Variants in ITM2B observed in about 807,000 individuals in gnomAD.
ITM2B encodes integral membrane protein 2B, also known as ABri/ADan amyloid peptide.
ITM2B carries 11 observed loss-of-function variants against 27.8 expected under a neutral mutation model. The ratio of observed to expected loss-of-function variants is 0.40; its 90% CI spans 0.25 to 0.66. The LOEUF is 0.66. Ranked by LOEUF, ITM2B falls within the 30% of genes least tolerant of loss-of-function variation. ITM2B has a pLI of 0.43. For synonymous variants in ITM2B, 114 were observed against 114.3 expected (o/e 1.00, Z 0.02); for missense variants, 296 against 328.9 (o/e 0.90, Z 0.77).
At chr13:48,255,246 T>C (rs866637305) in intron 2 of ITM2B, among the ~76,000 whole-genome samples, 28 of 120,040 alleles carry the variant, frequency 2.3e-4, no homozygotes, top group Admixed American at 1.1e-3. Context: ...TGTGTGTGTG[T>C]GTGTGTGTGC....
chr13:48,235,877 T>C (rs117938735), intron 1 of ITM2B, among the ~76,000 whole-genome samples: 1 of 152,336 alleles, frequency 6.6e-6, no homozygotes, highest in Middle Eastern at 3.4e-3. Flanking sequence ...AAATGTGCTC[T>C]TAGGGACCAC....
intron 1 of ITM2B, among the ~76,000 whole-genome samples, chr13:48,249,097 C>G (rs897083297): frequency 6.6e-6 from 1 of 152,160 alleles, no homozygotes; most frequent in Non-Finnish European, 1.5e-5. Flanking sequence ...ATATCCACCC[C>G]AACAATCAAG....
rs1160597311 is a variant in ITM2B at position 48,263,488 on chromosome 13, G to A, written c.*2264G>A. ...AGAGGGTGAGGGATGTGGATGAGAA[G>A]ATGACAGAGAATCAGACATGCAGAG... On this transcript the variant is annotated 3_prime_UTR_variant, in exon 6 of 6. Transcript: ENST00000647800. 6.6e-6 allele frequency: 1 copy of A among 152,280 alleles called. No homozygotes were observed. The highest frequency in any genetic ancestry group is 1.9e-4 in the East Asian group (1 of 5,200). 9.4% of individuals were successfully genotyped at this position (152,280 alleles called of 1,614,324 possible).
intron 1 of ITM2B, among the ~76,000 whole-genome samples, chr13:48,235,295 G>A (rs575551152): frequency 3.3e-5 from 5 of 152,286 alleles, no homozygotes; most frequent in Non-Finnish European, 7.3e-5. Context: ...TGTGGTCATT[G>A]CAGCTATAAG....
rs35401842 is a variant in ITM2B, at chr13:48,259,696, CT to C, written c.715+765del. On this transcript the variant is annotated intron_variant, in intron 5 of 5. Coordinates refer to ENST00000647800, the MANE Select transcript of ITM2B (RefSeq NM_021999.5). ...GAGTCATCTGAAACCAGCTTGATTTCTTTTTTTTTTTTTTTTCCAACTTTTA... is the reference window on the plus strand; with the variant it reads ...GAGTCATCTGAAACCAGCTTGATTTCTTTTTTTTTTTTTTTCCAACTTTTA... Among the ~76,000 whole-genome samples the C allele has an allele frequency of 4.4e-3, 573 of 129,826 alleles. 4 individuals are homozygous for C. Among genetic ancestry groups the C allele is most frequent in the African/African-American group, 0.01 (353 of 34,570 alleles). 85.2% of individuals were successfully genotyped at this position (129,826 alleles called of 152,430 possible). A position where few individuals can be genotyped will look rare whatever the true frequency, so the allele number is the denominator to read the frequency against.
At chr13:48,256,480 GAGTTT>G (rs1273144045) in intron 3 of ITM2B, 97 bp downstream of exon 3, 13 of 1,002,916 alleles carry the variant, frequency 1.3e-5, no homozygotes, top group Non-Finnish European at 2.0e-5. Flanking sequence ...ATTATATTTA[GAGTTT>G]AGTTTAATAA....
chr13:48,255,321 T>C (rs868649209), intron 2 of ITM2B, among the ~76,000 whole-genome samples: 2 of 152,090 alleles, frequency 1.3e-5, no homozygotes, highest in Non-Finnish European at 1.5e-5. Flanking sequence ...AGATGGGGTC[T>C]CACTCTGTCA....
chr13:48,233,541 G>A lies in ITM2B; in HGVS notation c.117+64G>A, dbSNP rs1951649187. 4.4e-6 allele frequency: 5 copies of A among 1,147,170 alleles called. No homozygotes were observed. The African/African-American group carries it at 8.2e-5, about 19-fold the overall frequency. The allele number at this position is 1,147,170 out of a possible 1,614,324, so 71.1% of individuals were successfully genotyped here. On this transcript the variant is annotated intron_variant, in intron 1 of 5. Coordinates refer to ENST00000647800, the MANE Select transcript of ITM2B (RefSeq NM_021999.5). ...CCGGCCGGGGAGGGCTGCGCGGACTGCAGCGGCAGTGCGCCCCGAGGTGGC... is the reference window on the plus strand; with the variant it reads ...CCGGCCGGGGAGGGCTGCGCGGACTACAGCGGCAGTGCGCCCCGAGGTGGC...
In ITM2B at chr13:48,267,080, G is replaced by A. The variant is rs1374943132; in HGVS notation, c.*5856G>A. On this transcript the variant is annotated 3_prime_UTR_variant, in exon 6 of 6. Coordinates refer to ENST00000647800, the MANE Select transcript of ITM2B (RefSeq NM_021999.5). Reference sequence around the variant, plus strand: ...GATGAGGCCAGGCAGGATGCTAAATGTCTTAAAAGTCCGGGAGTCCTGCAC... The same window carrying A: ...GATGAGGCCAGGCAGGATGCTAAATATCTTAAAAGTCCGGGAGTCCTGCAC... 6.6e-6 allele frequency: 1 copy of A among 152,144 alleles called. No homozygotes were observed. Among genetic ancestry groups the A allele is most frequent in the African/African-American group, 2.4e-5 (1 of 41,424 alleles). The allele number at this position is 152,144 out of a possible 1,614,324, so 9.4% of individuals were successfully genotyped here.
chr13:48,258,371 A>C (rs1267578146), intron 4 of ITM2B, 135 bp downstream of exon 4: 2 of 664,736 alleles, frequency 3.0e-6, no homozygotes, highest in African/African-American at 3.7e-5. Flanking sequence ...ACTAATACTC[A>C]TGGTTTTTGT....
Position 48,269,288 on chromosome 13 carries a change from T to C in ITM2B, c.*8064T>C, listed in dbSNP as rs1423201015. 6.6e-6 allele frequency: 1 copy of C among 152,232 alleles called. No individual in the cohort carries two copies. The highest frequency in any genetic ancestry group is 2.1e-4 in the South Asian group (1 of 4,832). The allele number at this position is 152,232 out of a possible 1,614,324, so 9.4% of individuals were successfully genotyped here. Reference sequence around the variant, plus strand: ...AGCCGCTTCTCACTGTCTCTACTGCTAACATAGTAGTCAAAGCTGCTATCA... The same window carrying C: ...AGCCGCTTCTCACTGTCTCTACTGCCAACATAGTAGTCAAAGCTGCTATCA... On this transcript the variant is annotated 3_prime_UTR_variant, in exon 6 of 6. Coordinates refer to ENST00000647800, the MANE Select transcript of ITM2B (RefSeq NM_021999.5).
At chr13:48,253,129 G>A (rs755243866) in intron 1 of ITM2B, among the ~76,000 whole-genome samples, 6 of 151,984 alleles carry the variant, frequency 3.9e-5, no homozygotes, top group Non-Finnish European at 7.4e-5. Context: ...TTTTTCTACT[G>A]CTTCTATCTT....
rs1295835321 is a variant in ITM2B at position 48,258,101 on chromosome 13, C to T, written c.454-25C>T. 5.4e-6 allele frequency: 6 copies of T among 1,117,118 alleles called. No individual in the cohort carries two copies. In the African/African-American group the frequency reaches 7.7e-5, roughly 14 times the overall value. 69.2% of individuals were successfully genotyped at this position (1,117,118 alleles called of 1,614,324 possible). The stretch of plus-strand genomic sequence containing the variant: ...CCTGTTTTTGCAAGTATTACTGTAA[C>T]TACACTGTATCTTTTTCTTCCCAGA... On this transcript the variant is annotated intron_variant, in intron 3 of 5. Transcript: ENST00000647800.
At chr13:48,241,817 A>G (rs548909089) in intron 1 of ITM2B, among the ~76,000 whole-genome samples, 8 of 152,324 alleles carry the variant, frequency 5.3e-5, no homozygotes, top group Non-Finnish European at 1.0e-4. Context: ...TACAATTTTT[A>G]TTGTATATAA....
rs751333259 is a variant in ITM2B at position 48,233,453 on chromosome 13, C to T, written c.93C>T (p.Pro31=). ...KSGEEALIIP[P]DAVAVDCKDP... is the part of the protein sequence containing the mutation. ...GCGAGGAGGCGCTCATCATCCCCCC[C>T]GACGCCGTCGCGGTGGACTGCAAGG... Residue 31 remains proline (P), a synonymous_variant, in exon 1 of 6, where the codon CCC becomes CCT. Coordinates refer to ENST00000647800, the MANE Select transcript of ITM2B (RefSeq NM_021999.5). 1.3e-6 allele frequency: 2 copies of T among 1,535,844 alleles called. No individual in the cohort carries two copies. Among genetic ancestry groups the T allele is most frequent in the Admixed American group, 2.0e-5 (1 of 49,536 alleles).
Position 48,263,986 on chromosome 13 carries a change from C to A in ITM2B, c.*2762C>A, listed in dbSNP as rs577427891. 1 of 152,046 alleles carries A rather than the reference C, an allele frequency of 6.6e-6. No homozygotes were observed. The highest frequency in any genetic ancestry group is 2.1e-4 in the South Asian group (1 of 4,810). 9.4% of individuals were successfully genotyped at this position (152,046 alleles called of 1,614,324 possible). A position where few individuals can be genotyped will look rare whatever the true frequency, so the allele number is the denominator to read the frequency against. ...GTATTTATTTATTTATCTAAGATAG[C>A]TCTAGTTTGCTGCTTTGCAACACAT... is the stretch of plus-strand genomic sequence containing the variant. On this transcript the variant is annotated 3_prime_UTR_variant, in exon 6 of 6. Coordinates refer to ENST00000647800, the MANE Select transcript of ITM2B (RefSeq NM_021999.5).
At chr13:48,233,870 C>T (rs149095141) in intron 1 of ITM2B, among the ~76,000 whole-genome samples, 190 of 152,304 alleles carry the variant, frequency 1.2e-3, no homozygotes, top group South Asian at 2.3e-3. Flanking sequence ...AATAATGTAC[C>T]TAAAATGGCT....
At position 48,233,213 on chromosome 13, in the gene ITM2B, G is replaced by A. The variant is rs1951644346; in HGVS notation, c.-148G>A. 8 of 427,030 alleles carry A rather than the reference G, an allele frequency of 1.9e-5. No homozygotes were observed. Among genetic ancestry groups the A allele is most frequent in the Admixed American group, 5.0e-5 (1 of 20,094 alleles). 26.5% of individuals were successfully genotyped at this position (427,030 alleles called of 1,614,324 possible). On this transcript the variant is annotated 5_prime_UTR_variant, in exon 1 of 6. Coordinates refer to ENST00000647800, the MANE Select transcript of ITM2B (RefSeq NM_021999.5). ...CTGCGAGATCCCTACCGCAGTAGCC[G>A]CCTCTGCCGCCGCGGAGCTTCCCGA...
Position 48,256,376 on chromosome 13 carries a change from T to C in ITM2B, c.446T>C (p.Phe149Ser). The C allele has an allele frequency of 6.2e-7, 1 of 1,612,580 alleles. No individual in the cohort carries two copies. Residue 149 changes from phenylalanine to serine, a missense_variant, in exon 3 of 6, where the codon TTT becomes TCT. Physicochemically the swap from Phe to Ser is radical, Grantham distance 155 (BLOSUM62 -2). Coordinates refer to ENST00000647800, the MANE Select transcript of ITM2B (RefSeq NM_021999.5). ...GATCCTGCCAACATTGTTCATGACT[T>C]TAACAAGGTGAGCCAAGTGTCCAGA... ...DSDPANIVHD[F>S]NKKLTAYLDL...
Sources: allele counts gnomAD v4.1 joint callset (sites outside exome capture counted in the v4.1 genomes callset), GRCh38; gene constraint gnomAD v4.1.1; transcripts MANE v1.5; gene names NCBI Gene and HGNC (gene_info 2026-07-23, HGNC 2026-07-21).